Variants in CLEC4E observed in about 807,000 individuals in gnomAD.
The protein encoded by CLEC4E is C-type lectin domain family 4 member E.
In CLEC4E, 21 loss-of-function variants were observed where a neutral mutation model predicts 24.7. The observed-to-expected ratio is 0.85, with a 90% CI of 0.60 to 1.22. CLEC4E has a LOEUF of 1.22. Among genes scored for constraint, CLEC4E ranks in the 50% most tolerant of loss-of-function variants. CLEC4E has a pLI of 0.00. For missense variants in CLEC4E, 249 were observed against 254.1 expected (o/e 0.98, Z 0.14); for synonymous variants, 94 against 85.7 (o/e 1.10, Z -0.54).
In CLEC4E at chr12:8,534,657, T is replaced by C. The variant is rs761318275; in HGVS notation, c.641A>G (p.Asn214Ser). 2 of 1,613,564 alleles carry C rather than the reference T, an allele frequency of 1.2e-6. No individual in the cohort carries two copies. Among genetic ancestry groups the C allele is most frequent in the South Asian group, 2.2e-5 (2 of 91,004 alleles). The change falls in exon 6 of 6, where the codon AAC (asparagine) becomes AGC (serine). Residue 214 changes from asparagine (N) to serine (S), a missense_variant. Physicochemically the swap from Asn to Ser is conservative, Grantham distance 46 (BLOSUM62 1). Transcript: ENST00000299663. ...CTGTTCTTAAAGAGATTTTCCTTTG[T>C]TCAAAGGATTTATTCCTACCATTTC... ...ICEMVGINPL[N>S]KGKSL
intron 5 of CLEC4E, among the ~76,000 whole-genome samples, chr12:8,535,810 C>T (rs937840738): frequency 1.3e-5 from 2 of 152,120 alleles, no homozygotes; most frequent in African/African-American, 2.4e-5. Flanking sequence ...TTTTTTTCCT[C>T]ATTTCCTTCA....
Position 8,540,790 on chromosome 12 carries a change from G to T in CLEC4E, c.8C>A (p.Ser3Ter). 1 of 1,607,770 alleles carries T rather than the reference G, an allele frequency of 6.2e-7. No homozygotes were observed. The highest frequency in any genetic ancestry group is 8.5e-7 in the Non-Finnish European group (1 of 1,174,866). Residue 3 changes from serine to a stop codon, truncating the protein, a stop_gained, in exon 1 of 6, where the codon TCA becomes TAA. Coordinates refer to ENST00000299663, the MANE Select transcript of CLEC4E (RefSeq NM_014358.4). LOFTEE classifies it high-confidence loss of function. MN[S>*]SKSSETQCTE... ...GCATTGTGTTTCAGATGATTTAGAT[G>T]AATTCATTTTTTCTCTCTCTTTGGT...
chr12:8,536,800 G>A (rs1172950264), intron 4 of CLEC4E, among the ~76,000 whole-genome samples: 2 of 152,092 alleles, frequency 1.3e-5, no homozygotes, highest in East Asian at 1.9e-4. Context: ...TAAAGAAAAC[G>A]GACAATATTT....
rs377061220 is a variant in CLEC4E at position 8,534,691 on chromosome 12, G to A, written c.607C>T (p.Arg203Trp). The change falls in exon 6 of 6, where the codon CGG becomes TGG. Residue 203 changes from arginine (R) to tryptophan (W), a missense_variant. Transcript: ENST00000299663. ...TTTATTCCTACCATTTCACAAATCCGAAAATAATTGAGGAAACAGGTTACA... is the reference window on the plus strand; with the variant it reads ...TTTATTCCTACCATTTCACAAATCCAAAAATAATTGAGGAAACAGGTTACA... ...NDVTCFLNYF[R>W]ICEMVGINPL... 62 of 1,613,724 alleles carry A rather than the reference G, an allele frequency of 3.8e-5. No homozygotes were observed. Among genetic ancestry groups the A allele is most frequent in the South Asian group, 1.4e-4 (13 of 91,042 alleles).
chr12:8,537,311 A>G (rs1940629395), intron 3 of CLEC4E, 45 bp from the exon 4 acceptor site: 4 of 1,575,580 alleles, frequency 2.5e-6, no homozygotes, highest in Non-Finnish European at 3.5e-6. Flanking sequence ...TGAACCGAAT[A>G]AGAAAACCCA....
At chr12:8,537,990 AG>A (rs1474043757) in intron 3 of CLEC4E, among the ~76,000 whole-genome samples, 1 of 152,352 alleles carries the variant, frequency 6.6e-6, no homozygotes, top group Non-Finnish European at 1.5e-5. Context: ...GGGCCACCAG[AG>A]GGCTCCTTGG....
At position 8,534,707 on chromosome 12, in the gene CLEC4E, A is replaced by T; in HGVS notation, c.591T>A (p.Cys197Ter). 1 of 1,613,992 alleles carries T rather than the reference A, an allele frequency of 6.2e-7. No individual in the cohort carries two copies. Among genetic ancestry groups the T allele is most frequent in the Non-Finnish European group, 8.5e-7 (1 of 1,179,912 alleles). ...NPRQNWNDVT[C>*]FLNYFRICEM... ...CACAAATCCGAAAATAATTGAGGAA[A>T]CAGGTTACATCATTCCAATTTTGCC... The change falls in exon 6 of 6, where the codon TGT (cysteine) becomes TGA (stop). Residue 197 changes from cysteine (C) to a stop codon, truncating the protein, a stop_gained. Transcript: ENST00000299663. LOFTEE classifies it low-confidence loss of function (END_TRUNC).
At chr12:8,537,770 G>C (rs6487242) in intron 3 of CLEC4E, among the ~76,000 whole-genome samples, 79,248 of 152,064 alleles carry the variant, frequency 0.52, 21,219 homozygotes, top group South Asian at 0.69. Flanking sequence ...AACAAGAATA[G>C]TTATACCAGA....
At chr12:8,535,470 G>A (rs767286088) in intron 5 of CLEC4E, among the ~76,000 whole-genome samples, 4 of 152,074 alleles carry the variant, frequency 2.6e-5, no homozygotes, top group African/African-American at 7.2e-5. Flanking sequence ...CTTAATACCC[G>A]GGTCATGTTA....
intron 5 of CLEC4E, among the ~76,000 whole-genome samples, chr12:8,535,504 A>G (rs1213574432): frequency 1.3e-5 from 2 of 152,172 alleles, no homozygotes; most frequent in African/African-American, 2.4e-5. Context: ...AAACCAAACC[A>G]CCACGGCACA....
chr12:8,536,590 C>T (rs770574551), intron 4 of CLEC4E, among the ~76,000 whole-genome samples: 1 of 152,018 alleles, frequency 6.6e-6, no homozygotes, highest in Non-Finnish European at 1.5e-5. Context: ...TGAGAAATAA[C>T]AGATAAGTGA....
intron 4 of CLEC4E, 25 bp downstream of exon 4, chr12:8,537,090 A>AT (rs763693068): frequency 1.2e-6 from 2 of 1,600,612 alleles, no homozygotes. Context: ...GGAATGTTAC[A>AT]TTGGCATCGG....
At chr12:8,536,913 T>C (rs1940622843) in intron 4 of CLEC4E, among the ~76,000 whole-genome samples, 1 of 152,196 alleles carries the variant, frequency 6.6e-6, no homozygotes, top group Non-Finnish European at 1.5e-5. Flanking sequence ...GAACTCCACA[T>C]GGAAATTCCC....
rs768952242 is a variant in CLEC4E at position 8,534,646 on chromosome 12, A to AT, written c.651dup (p.Ser218IlefsTer39). On this transcript the variant is annotated frameshift_variant, in exon 6 of 6. Transcript: ENST00000299663. LOFTEE classifies it high-confidence loss of function. ...AGTTGTGCCTTCTGTTCTTAAAGAGATTTTCCTTTGTTCAAAGGATTTATT... is the reference window on the plus strand; with the variant it reads ...AGTTGTGCCTTCTGTTCTTAAAGAGATTTTTCCTTTGTTCAAAGGATTTATT... 1 of 1,612,696 alleles carries AT rather than the reference A, an allele frequency of 6.2e-7. No homozygotes were observed. Among genetic ancestry groups the AT allele is most frequent in the Admixed American group, 1.7e-5 (1 of 59,866 alleles).
At chr12:8,540,417 G>A (rs985418782) in intron 1 of CLEC4E, among the ~76,000 whole-genome samples, 5 of 147,210 alleles carry the variant, frequency 3.4e-5, no homozygotes, top group African/African-American at 7.6e-5. Context: ...CTTTTCAAGC[G>A]CTTTGTAAAT....
rs1217694510 is a variant in CLEC4E, at chr12:8,533,554, G to A, written c.*1084C>T. Reference sequence around the variant, plus strand: ...AGATTATGTCTTTTGTGGGAACATCGGTAGAACTGGAGACCATTATCCTTA... The same window carrying A: ...AGATTATGTCTTTTGTGGGAACATCAGTAGAACTGGAGACCATTATCCTTA... On this transcript the variant is annotated 3_prime_UTR_variant, in exon 6 of 6. Transcript: ENST00000299663. The A allele has an allele frequency of 6.6e-6, 1 of 152,160 alleles. No homozygotes were observed. The highest frequency in any genetic ancestry group is 1.5e-5 in the Non-Finnish European group (1 of 68,032). 9.4% of individuals were successfully genotyped at this position (152,160 alleles called of 1,614,324 possible).
At chr12:8,535,511 C>A (rs1940600138) in intron 5 of CLEC4E, among the ~76,000 whole-genome samples, 1 of 152,182 alleles carries the variant, frequency 6.6e-6, no homozygotes, top group Non-Finnish European at 1.5e-5. Context: ...ACCACCACGG[C>A]ACACGTTTAC....
intron 4 of CLEC4E, 60 bp downstream of exon 4, chr12:8,537,055 A>G: frequency 6.5e-7 from 1 of 1,531,360 alleles, no homozygotes; most frequent in South Asian, 1.2e-5. Flanking sequence ...GTGCATATGT[A>G]TGAAAAGAGA....
At chr12:8,539,973 A>T (rs1256062454) in intron 1 of CLEC4E, 26 bp from the exon 2 acceptor site, 4 of 1,373,068 alleles carry the variant, frequency 2.9e-6, no homozygotes, top group African/African-American at 1.4e-5. Context: ...CACAAACATG[A>T]TCAATCTTCC....
Sources: allele counts gnomAD v4.1 joint callset (sites outside exome capture counted in the v4.1 genomes callset), GRCh38; gene constraint gnomAD v4.1.1; transcripts MANE v1.5; gene names NCBI Gene and HGNC (gene_info 2026-07-23, HGNC 2026-07-21).